Variants in KIF26B observed in about 807,000 individuals in gnomAD.
KIF26B encodes the protein kinesin-like protein KIF26B.
A neutral mutation model predicts 151.2 loss-of-function variants in KIF26B; 63 were observed. The ratio of observed to expected loss-of-function variants is 0.42; its 90% confidence interval spans 0.34 to 0.51. The LOEUF (loss-of-function observed/expected upper bound fraction) is 0.51, where lower values mean the gene tolerates loss of function less well. KIF26B is among the 20% of genes least tolerant of loss of function. The pLI is 0.07. For missense variants in KIF26B, 2,813 were observed against 2,913.6 expected (o/e 0.97, Z 0.79); for synonymous variants, 1,357 against 1,262.1 (o/e 1.08, Z -1.59).
intron 2 of KIF26B, among the ~76,000 whole-genome samples, chr1:245,261,913 T>C (rs1171614878): frequency 6.6e-6 from 1 of 152,146 alleles, no homozygotes; most frequent in Non-Finnish European, 1.5e-5. Context: ...GGTTTTCACA[T>C]GCAGAAGCCC....
chr1:245,178,972 GTTT>G (rs59250555), intron 2 of KIF26B, among the ~76,000 whole-genome samples: 3 of 149,480 alleles, frequency 2.0e-5, no homozygotes, highest in African/African-American at 7.3e-5. Context: ...TCTTAACCAT[GTTT>G]TTTTTTTTTA....
At chr1:245,325,986 G>A (rs1354949926) in intron 2 of KIF26B, among the ~76,000 whole-genome samples, 4 of 152,158 alleles carry the variant, frequency 2.6e-5, no homozygotes, top group Admixed American at 2.6e-4. Context: ...AATGGGGAAC[G>A]TGAAAGCAAC....
intron 3 of KIF26B, among the ~76,000 whole-genome samples, chr1:245,405,985 T>C (rs1674127248): frequency 1.3e-5 from 2 of 152,232 alleles, no homozygotes; most frequent in South Asian, 4.1e-4. Flanking sequence ...AGGGAATTTC[T>C]TTTTTGTCAT....
intron 4 of KIF26B, among the ~76,000 whole-genome samples, chr1:245,461,868 T>C (rs753765015): frequency 3.3e-5 from 5 of 152,106 alleles, no homozygotes; most frequent in Non-Finnish European, 7.4e-5. Flanking sequence ...AATCCCAGCC[T>C]TTAGAGAGGC....
intron 2 of KIF26B, among the ~76,000 whole-genome samples, chr1:245,228,768 A>G (rs1190239920): frequency 6.6e-6 from 1 of 152,140 alleles, no homozygotes; most frequent in African/African-American, 2.4e-5. Flanking sequence ...TGCAGCTGAA[A>G]TGTAGCAGGT....
intron 7 of KIF26B, among the ~76,000 whole-genome samples, chr1:245,608,502 G>A (rs889013406): frequency 6.6e-6 from 1 of 152,146 alleles, no homozygotes; most frequent in Non-Finnish European, 1.5e-5. Flanking sequence ...CTTGATGTAA[G>A]CAGTGATCTG....
chr1:245,691,371 A>G (rs2147961902), intron 12 of KIF26B, among the ~76,000 whole-genome samples: 1 of 152,306 alleles, frequency 6.6e-6, no homozygotes, highest in East Asian at 1.9e-4. Context: ...TGTAAAATTA[A>G]AATGCCAGGG....
At chr1:245,496,853 A>T (rs965843214) in intron 4 of KIF26B, among the ~76,000 whole-genome samples, 1 of 152,208 alleles carries the variant, frequency 6.6e-6, no homozygotes, top group Admixed American at 6.5e-5. Context: ...AAAGAATGAA[A>T]AAAAGATATA....
In KIF26B at chr1:245,613,904, C is replaced by T. The variant is rs556974197; in HGVS notation, c.2098+1928C>T. The stretch of plus-strand genomic sequence containing the variant: ...ATCTATACAGTCATGTAGCCACCAC[C>T]ATTATCAAAATAGAGCATAAGGCTA... On this transcript the variant is annotated intron_variant, in intron 9 of 14. Transcript: ENST00000407071. Among the ~76,000 whole-genome samples the T allele has an allele frequency of 2.0e-5, 3 of 152,326 alleles. No individual in the cohort carries two copies. In the South Asian group the frequency reaches 6.2e-4, roughly 32 times the overall value.
intron 2 of KIF26B, among the ~76,000 whole-genome samples, chr1:245,309,130 C>G (rs979128398): frequency 1.2e-4 from 19 of 152,084 alleles, no homozygotes; most frequent in African/African-American, 3.6e-4. Flanking sequence ...GTGCAGGGAG[C>G]ATAGCTGAGG....
chr1:245,565,565 C>T (rs146171923), intron 5 of KIF26B, among the ~76,000 whole-genome samples: 1,728 of 152,290 alleles, frequency 0.011, 28 homozygotes, highest in Middle Eastern at 0.031. Context: ...GCTGGGATTA[C>T]AGGCATGAGC....
intron 3 of KIF26B, among the ~76,000 whole-genome samples, chr1:245,381,481 T>C (rs1673408060): frequency 1.3e-5 from 2 of 152,118 alleles, no homozygotes; most frequent in East Asian, 3.9e-4. Flanking sequence ...TTGCGAGATT[T>C]TTTTGGTGTT....
At chr1:245,455,488 G>A (rs1001564688) in intron 4 of KIF26B, among the ~76,000 whole-genome samples, 3 of 152,132 alleles carry the variant, frequency 2.0e-5, no homozygotes, top group African/African-American at 7.2e-5. Context: ...TGGTGACAGA[G>A]TGAGATCTGT....
chr1:245,489,083 C>T (rs777094109), intron 4 of KIF26B, among the ~76,000 whole-genome samples: 4 of 152,208 alleles, frequency 2.6e-5, no homozygotes, highest in Non-Finnish European at 5.9e-5. Context: ...AGACATGGAA[C>T]GGATAGTCTG....
At chr1:245,554,121 G>A (rs929485581) in intron 5 of KIF26B, among the ~76,000 whole-genome samples, 6 of 151,826 alleles carry the variant, frequency 4.0e-5, no homozygotes, top group Admixed American at 6.6e-5. Flanking sequence ...CCTTTTCTCC[G>A]TGTTTTGTAT....
At chr1:245,642,658 A>T (rs1246205491) in intron 9 of KIF26B, among the ~76,000 whole-genome samples, 1 of 151,892 alleles carries the variant, frequency 6.6e-6, no homozygotes, top group East Asian at 1.9e-4. Context: ...CTGCATAGAC[A>T]GGATAGTTCC....
intron 2 of KIF26B, among the ~76,000 whole-genome samples, chr1:245,314,508 T>G (rs1272406865): frequency 6.6e-6 from 1 of 152,156 alleles, no homozygotes; most frequent in African/African-American, 2.4e-5. Context: ...AGGGCTTAGC[T>G]AATACATGGA....
chr1:245,547,499 T>G (rs569143221), intron 5 of KIF26B, among the ~76,000 whole-genome samples: 1 of 145,300 alleles, frequency 6.9e-6, no homozygotes, highest in Non-Finnish European at 1.5e-5. Flanking sequence ...GGCAGGAGGA[T>G]CACTTGAACC....
chr1:245,365,708 A>G (rs772832729), intron 2 of KIF26B, among the ~76,000 whole-genome samples: 8 of 152,176 alleles, frequency 5.3e-5, no homozygotes, highest in African/African-American at 1.2e-4. Flanking sequence ...CCCTGTTCAT[A>G]TAGGCACAGC....
Sources: allele counts gnomAD v4.1 joint callset (sites outside exome capture counted in the v4.1 genomes callset), GRCh38; gene constraint gnomAD v4.1.1; transcripts MANE v1.5; gene names NCBI Gene and HGNC (gene_info 2026-07-23, HGNC 2026-07-21).